Variants in PDE10A observed in about 807,000 individuals in gnomAD.
The protein encoded by PDE10A is phosphodiesterase 10A.
A neutral mutation model predicts 97.7 loss-of-function variants in PDE10A; 39 were observed. That is an observed-to-expected ratio of 0.40 (90% CI 0.31 to 0.52). The LOEUF is 0.52. Ranked by LOEUF, PDE10A falls within the 20% of genes least tolerant of loss-of-function variation. The probability of loss-of-function intolerance (pLI) is 0.56; values close to 1 mark genes in which losing one functional copy is unlikely to be tolerated. For synonymous variants in PDE10A, 371 were observed against 376.8 expected (o/e 0.98, Z 0.18); for missense variants, 731 against 1,047.8 (o/e 0.70, Z 4.17).
intron 2 of PDE10A, among the ~76,000 whole-genome samples, chr6:165,536,019 A>T (rs766253445): frequency 1.3e-5 from 2 of 152,062 alleles, no homozygotes; most frequent in Non-Finnish European, 2.9e-5. Context: ...AGCAATTCTG[A>T]GCAAAAGGAA....
intron 1 of PDE10A, among the ~76,000 whole-genome samples, chr6:165,970,324 A>G (rs1345145487): frequency 6.6e-6 from 1 of 152,210 alleles, no homozygotes; most frequent in Non-Finnish European, 1.5e-5. Flanking sequence ...AGATTTGAAG[A>G]TTAGATGGTA....
intron 1 of PDE10A, among the ~76,000 whole-genome samples, chr6:165,676,593 G>T (rs1029412180): frequency 1.3e-5 from 2 of 152,098 alleles, no homozygotes; most frequent in African/African-American, 4.8e-5. Context: ...AGCCGTGAGA[G>T]GGGTCCAAGG....
intron 1 of PDE10A, among the ~76,000 whole-genome samples, chr6:165,678,457 G>A (rs1790887648): frequency 6.6e-6 from 1 of 151,674 alleles, no homozygotes; most frequent in Non-Finnish European, 1.5e-5. Flanking sequence ...TTTAAGAAGC[G>A]ATAACATTTT....
chr6:165,846,309 A>G (rs1025409469), intron 1 of PDE10A, among the ~76,000 whole-genome samples: 3 of 152,254 alleles, frequency 2.0e-5, no homozygotes, highest in African/African-American at 4.8e-5. Context: ...GCCTGTAATT[A>G]TCATTCCACC....
At chr6:165,913,801 G>A (rs1243287049) in intron 1 of PDE10A, among the ~76,000 whole-genome samples, 1 of 152,204 alleles carries the variant, frequency 6.6e-6, no homozygotes, top group Admixed American at 6.5e-5. Flanking sequence ...GCAAAGACAT[G>A]TGCATAAACC....
intron 1 of PDE10A, among the ~76,000 whole-genome samples, chr6:165,749,199 T>TCATCACCATTGC (rs1370033834): frequency 1.2e-4 from 6 of 50,922 alleles, no homozygotes; most frequent in African/African-American, 1.3e-4. Flanking sequence ...GTCATCACCA[T>TCATCACCATTGC]CACCATCATC....
At chr6:165,749,188 T>A (rs62424941) in intron 1 of PDE10A, among the ~76,000 whole-genome samples, 615 of 1,552 alleles carry the variant, frequency 0.4, 141 homozygotes, top group Admixed American at 0.54. Flanking sequence ...ACACTATCAC[T>A]GTCATCACCA....
chr6:165,771,960 C>T (rs1778024242), intron 1 of PDE10A, among the ~76,000 whole-genome samples: 1 of 152,224 alleles, frequency 6.6e-6, no homozygotes, highest in Non-Finnish European at 1.5e-5. Context: ...CGTTGGTCTT[C>T]CCTTGGCAGG....
chr6:165,423,070 C>A (rs1788838599), intron 10 of PDE10A, among the ~76,000 whole-genome samples: 1 of 152,040 alleles, frequency 6.6e-6, no homozygotes, highest in Non-Finnish European at 1.5e-5. Context: ...GCTGTCAGGG[C>A]TATTGCTGCC....
intron 1 of PDE10A, among the ~76,000 whole-genome samples, chr6:165,593,112 T>G (rs896135579): frequency 6.6e-6 from 1 of 152,140 alleles, no homozygotes; most frequent in South Asian, 2.1e-4. Context: ...CGGAATACTA[T>G]GCAGCCATAA....
intron 1 of PDE10A, chr6:165,940,482 C>T (rs932328922): frequency 2.0e-5 from 3 of 152,290 alleles, no homozygotes; most frequent in African/African-American, 7.2e-5. Context: ...TCGGAAAGTT[C>T]CCGCCATGCT....
At chr6:165,667,679 C>A (rs147855857), upstream of PDE10A, among the ~76,000 whole-genome samples, 1 of 148,052 alleles carries the variant, frequency 6.8e-6, no homozygotes, top group African/African-American at 2.5e-5. Flanking sequence ...ATGACAGAAA[C>A]GTGTGTTTCT....
chr6:165,495,793 C>G (rs891282326), intron 2 of PDE10A, among the ~76,000 whole-genome samples: 4 of 152,110 alleles, frequency 2.6e-5, no homozygotes, highest in African/African-American at 9.7e-5. Flanking sequence ...AACTCAAAAT[C>G]CTTTTATCTT....
intron 1 of PDE10A, among the ~76,000 whole-genome samples, chr6:165,747,703 G>C (rs1417383547): frequency 1.3e-5 from 2 of 152,186 alleles, no homozygotes; most frequent in African/African-American, 4.8e-5. Flanking sequence ...AACCCCAGAG[G>C]ATGTGGCCGC....
chr6:165,835,740 C>G (rs1780048150), intron 1 of PDE10A, among the ~76,000 whole-genome samples: 1 of 152,164 alleles, frequency 6.6e-6, no homozygotes, highest in Non-Finnish European at 1.5e-5. Context: ...GAGCTGGGCT[C>G]CAGCTCAGAA....
At chr6:165,896,521 AT>A (rs35509574) in intron 1 of PDE10A, among the ~76,000 whole-genome samples, 15,771 of 105,560 alleles carry the variant, frequency 0.15, 1,037 homozygotes, top group East Asian at 0.24. Flanking sequence ...ACGCCAGCTA[AT>A]TTTTTTTTTT....
intron 1 of PDE10A, among the ~76,000 whole-genome samples, chr6:165,922,479 T>C (rs1782784850): frequency 6.6e-6 from 1 of 152,212 alleles, no homozygotes; most frequent in Admixed American, 6.5e-5. Context: ...AGCGAAACAG[T>C]AAACAAAGGG....
intron 1 of PDE10A, among the ~76,000 whole-genome samples, chr6:165,620,078 T>C (rs1788051360): frequency 6.6e-6 from 1 of 152,186 alleles, no homozygotes; most frequent in African/African-American, 2.4e-5. Flanking sequence ...TGTCTTTCCC[T>C]ACTTACATGC....
At chr6:165,544,589 A>T (rs112014892) in intron 1 of PDE10A, among the ~76,000 whole-genome samples, 1 of 146,702 alleles carries the variant, frequency 6.8e-6, no homozygotes, top group Non-Finnish European at 1.5e-5. Context: ...AAAAAAAAAA[A>T]GCAATGAAAA....
Sources: allele counts gnomAD v4.1 joint callset (sites outside exome capture counted in the v4.1 genomes callset), GRCh38; gene constraint gnomAD v4.1.1; transcripts MANE v1.5; gene names NCBI Gene and HGNC (gene_info 2026-07-23, HGNC 2026-07-21).